Variants in SLIT3 observed in about 807,000 individuals in gnomAD.
SLIT3 encodes slit homolog 3 protein.
Under a neutral mutation model 184.0 loss-of-function variants are expected in SLIT3, and 68 were observed. That is an observed-to-expected ratio of 0.37 (90% confidence interval 0.30 to 0.45). SLIT3 has a LOEUF of 0.45. SLIT3 is among the 20% of genes least tolerant of loss of function. SLIT3 has a pLI of 1.00. For synonymous variants in SLIT3, 831 were observed against 828.6 expected (o/e 1.00, Z -0.05); for missense variants, 1,707 against 2,026.0 (o/e 0.84, Z 3.02).
At chr5:168,774,202 G>A (rs1379946708) in intron 13 of SLIT3, 33 bp downstream of exon 13, 6 of 1,565,550 alleles carry the variant, frequency 3.8e-6, no homozygotes, top group African/African-American at 2.7e-5. Flanking sequence ...CTGCTGCTTG[G>A]GCACCCACTG....
At chr5:169,280,147 C>T (rs1766948513) in intron 1 of SLIT3, among the ~76,000 whole-genome samples, 1 of 152,194 alleles carries the variant, frequency 6.6e-6, no homozygotes. Context: ...TGGGGGTCTC[C>T]TTGTGCCTTC....
chr5:168,909,902 T>C (rs939977723), intron 4 of SLIT3, among the ~76,000 whole-genome samples: 2 of 152,234 alleles, frequency 1.3e-5, no homozygotes, highest in African/African-American at 4.8e-5. Flanking sequence ...CCACATCACA[T>C]TTTAGAGAAA....
chr5:168,875,873 A>G (rs1249755241), intron 5 of SLIT3, among the ~76,000 whole-genome samples: 1 of 152,096 alleles, frequency 6.6e-6, no homozygotes, highest in Non-Finnish European at 1.5e-5. Context: ...GGTAGCACTC[A>G]GCAAACTGGG....
intron 4 of SLIT3, among the ~76,000 whole-genome samples, chr5:168,891,431 G>A (rs1319212364): frequency 1.3e-5 from 2 of 152,190 alleles, no homozygotes; most frequent in Non-Finnish European, 2.9e-5. Context: ...CAAGCACTTT[G>A]TCCTTGGACT....
At chr5:169,198,090 G>A (rs138803671) in intron 3 of SLIT3, among the ~76,000 whole-genome samples, 4 of 152,180 alleles carry the variant, frequency 2.6e-5, no homozygotes, top group African/African-American at 7.2e-5. Context: ...TCACTCATCC[G>A]TCCAACCACC....
rs1489551966 is a variant in SLIT3, at chr5:168,722,423, C to G, written c.2412-96G>C. Reference sequence around the variant, plus strand: ...TTGTGAAACAAAGCAAATGGTTTATCTTTTCAATGTTGATATATTGACAGA... The same window carrying G: ...TTGTGAAACAAAGCAAATGGTTTATGTTTTCAATGTTGATATATTGACAGA... On this transcript the variant is annotated intron_variant, in intron 22 of 35. Transcript: ENST00000519560. 9 of 1,071,022 alleles carry G rather than the reference C, an allele frequency of 8.4e-6. No individual in the cohort carries two copies. The South Asian group carries it at 1.1e-4, about 13-fold the overall frequency. 66.3% of individuals were successfully genotyped at this position (1,071,022 alleles called of 1,614,324 possible).
intron 5 of SLIT3, among the ~76,000 whole-genome samples, chr5:168,856,796 T>TGC (rs1561970632): frequency 6.9e-6 from 1 of 145,328 alleles, no homozygotes; most frequent in African/African-American, 2.7e-5. Context: ...TGTGTGTGTG[T>TGC]GTGTGTGTGT....
chr5:169,101,990 C>T (rs2113232280), intron 4 of SLIT3, among the ~76,000 whole-genome samples: 1 of 152,324 alleles, frequency 6.6e-6, no homozygotes, highest in South Asian at 2.1e-4. Context: ...CGCCACAGTT[C>T]TAGACTTATT....
rs113585680 is a variant in SLIT3 at position 169,060,943 on chromosome 5, G to A, written c.413+132536C>T. Among the ~76,000 whole-genome samples the A allele has an allele frequency of 3.2e-3, 484 of 152,256 alleles. 5 individuals are homozygous for A. The highest frequency in any genetic ancestry group is 0.011 in the African/African-American group (460 of 41,518). ...TTTAGTGGTATCCACAGGGGCTGTG[G>A]GGTCAGAGTCAACAGGACTCAAGTC... On this transcript the variant is annotated intron_variant, in intron 4 of 35. Transcript: ENST00000519560.
At chr5:168,784,509 G>C (rs1295923243) in intron 12 of SLIT3, among the ~76,000 whole-genome samples, 1 of 152,170 alleles carries the variant, frequency 6.6e-6, no homozygotes, top group Middle Eastern at 3.2e-3. Context: ...TGATAGATCT[G>C]CTCCCTGGAA....
intron 4 of SLIT3, among the ~76,000 whole-genome samples, chr5:168,967,457 T>TTTTTTTTTTTTTTTTTTTTTTTTTG (rs70979117): frequency 1.3e-5 from 1 of 76,380 alleles, no homozygotes; most frequent in Non-Finnish European, 2.8e-5. Flanking sequence ...TTTTTTTTTT[T>TTTTTTTTTTTTTTTTTTTTTTTTTG]GAGACGGAGT....
At chr5:169,056,713 C>T (rs575861614) in intron 4 of SLIT3, among the ~76,000 whole-genome samples, 9 of 152,276 alleles carry the variant, frequency 5.9e-5, no homozygotes, top group East Asian at 5.8e-4. Context: ...TGGATTTCAT[C>T]GTTTCTACTT....
At chr5:168,759,928 T>C (rs1755084790) in intron 16 of SLIT3, among the ~76,000 whole-genome samples, 2 of 151,920 alleles carry the variant, frequency 1.3e-5, no homozygotes, top group Non-Finnish European at 2.9e-5. Flanking sequence ...GGGGATTAGA[T>C]GGTAAAGAGC....
chr5:169,112,187 G>A (rs1327663938), intron 4 of SLIT3, among the ~76,000 whole-genome samples: 3 of 152,182 alleles, frequency 2.0e-5, no homozygotes, highest in Admixed American at 6.5e-5. Context: ...GAGAGGCACC[G>A]GGGCTATGCA....
chr5:168,885,535 C>T (rs971730052), intron 4 of SLIT3, among the ~76,000 whole-genome samples: 4 of 152,164 alleles, frequency 2.6e-5, no homozygotes, highest in Admixed American at 6.5e-5. Flanking sequence ...GGGCAGCACC[C>T]GAGGCTCTGG....
intron 3 of SLIT3, among the ~76,000 whole-genome samples, chr5:169,236,538 T>G (rs1250527622): frequency 2.0e-5 from 3 of 151,958 alleles, no homozygotes; most frequent in African/African-American, 7.3e-5. Context: ...TGGTGTGATC[T>G]TGGCTCACTA....
At chr5:168,755,398 T>TTTCTTTCTTTC (rs1754869038) in intron 16 of SLIT3, among the ~76,000 whole-genome samples, 1 of 14,832 alleles carries the variant, frequency 6.7e-5, no homozygotes, top group African/African-American at 8.4e-4. Context: ...CATTTCTTTC[T>TTTCTTTCTTTC]TTCTTTCTTT....
At chr5:168,932,272 T>C (rs1762009564) in intron 4 of SLIT3, among the ~76,000 whole-genome samples, 1 of 150,968 alleles carries the variant, frequency 6.6e-6, no homozygotes, top group Admixed American at 6.6e-5. Context: ...TTTTTTTTTT[T>C]TTGGTACAAG....
chr5:168,704,299 GGCA>G, intron 26 of SLIT3, among the ~76,000 whole-genome samples: 1 of 151,952 alleles, frequency 6.6e-6, no homozygotes, highest in African/African-American at 2.4e-5. Flanking sequence ...TTAACATAAT[GGCA>G]AAATACTGAC....
Sources: gnomAD v4.1 joint callset for allele counts (sites outside exome capture counted in the v4.1 genomes callset) on GRCh38, gnomAD v4.1.1 for gene constraint, MANE v1.5 for transcripts, NCBI Gene and HGNC (gene_info 2026-07-23, HGNC 2026-07-21) for gene names.